The following MRE11 variants were observed in gnomAD, a reference collection of about 807,000 sequenced individuals.
The protein encoded by MRE11 is MRE11 double strand break repair nuclease.
Under a neutral mutation model 91.7 loss-of-function variants are expected in MRE11, and 62 were observed. The ratio of observed to expected loss-of-function variants is 0.68; its 90% CI spans 0.55 to 0.84. The LOEUF (loss-of-function observed/expected upper bound fraction) is 0.84. Ranked by LOEUF, MRE11 falls within the 40% of genes least tolerant of loss-of-function variation. The probability of loss-of-function intolerance (pLI) is 0.00; values close to 1 mark genes in which losing one functional copy is unlikely to be tolerated. For synonymous variants in MRE11, 273 were observed against 271.4 expected (o/e 1.01, Z -0.06); for missense variants, 796 against 852.9 (o/e 0.93, Z 0.83).
intron 7 of MRE11, among the ~76,000 whole-genome samples, chr11:94,475,868 TAA>T (rs1015699573): frequency 6.6e-6 from 1 of 152,082 alleles, no homozygotes; most frequent in African/African-American, 2.4e-5. Flanking sequence ...ATGCTGAACA[TAA>T]GTTGGCTGTA....
rs1194168879 is a variant in MRE11, at chr11:94,443,919, T to C, written c.1867+1891A>G. ...CTAAATCCTAAGTTCCTTCAACCAA[T>C]TTTTTTTTTTTTTTTTTTTTGGAGA... On this transcript the variant is annotated intron_variant, in intron 16 of 19. Coordinates refer to ENST00000323929, the MANE Select transcript of MRE11 (RefSeq NM_005591.4). Among the ~76,000 whole-genome samples, 5 of 57,526 alleles carry C rather than the reference T, an allele frequency of 8.7e-5. No individual in the cohort carries two copies. In the East Asian group the frequency reaches 2.3e-3, roughly 26 times the overall value. 37.7% of individuals were successfully genotyped at this position (57,526 alleles called of 152,430 possible).
At chr11:94,445,218 C>G (rs1565211054) in intron 16 of MRE11, among the ~76,000 whole-genome samples, 1 of 152,214 alleles carries the variant, frequency 6.6e-6, no homozygotes, top group South Asian at 2.1e-4. Context: ...CATATAGTGA[C>G]CAACTACTTC....
At chr11:94,467,592 TAAC>T (rs1473952267) in intron 10 of MRE11, among the ~76,000 whole-genome samples, 3 of 152,184 alleles carry the variant, frequency 2.0e-5, no homozygotes, top group African/African-American at 7.2e-5. Context: ...CTATTAAATA[TAAC>T]AACAAATTAT....
chr11:94,492,962 C>A, intron 1 of MRE11, 56 bp from the exon 2 acceptor site: 1 of 683,208 alleles, frequency 1.5e-6, no homozygotes, highest in Admixed American at 2.6e-5. Context: ...ACGTATTTAA[C>A]CAACATGATT....
chr11:94,451,636 G>A (rs969238185), intron 14 of MRE11, among the ~76,000 whole-genome samples: 3 of 151,962 alleles, frequency 2.0e-5, no homozygotes, highest in African/African-American at 7.3e-5. Context: ...TATATTACCA[G>A]GATGGGTCAA....
At chr11:94,428,884 A>G (rs1945392449) in intron 19 of MRE11, among the ~76,000 whole-genome samples, 1 of 152,102 alleles carries the variant, frequency 6.6e-6, no homozygotes, top group Non-Finnish European at 1.5e-5. Context: ...GAGAAAAGAA[A>G]CTATCAACAG....
chr11:94,432,256 T>C (rs1945480003), intron 18 of MRE11, among the ~76,000 whole-genome samples: 3 of 152,212 alleles, frequency 2.0e-5, no homozygotes. Context: ...TAAACTGATT[T>C]GCATCTGCGC....
chr11:94,458,924 CACAT>C (rs766288364), intron 13 of MRE11, among the ~76,000 whole-genome samples: 9 of 151,972 alleles, frequency 5.9e-5, no homozygotes, highest in South Asian at 2.1e-4. Context: ...TTTTTCTGCC[CACAT>C]ACAAATATTT....
chr11:94,506,651 C>T, the MRE11 span, among the ~76,000 whole-genome samples: 1 of 149,070 alleles, frequency 6.7e-6, no homozygotes, highest in Non-Finnish European at 1.5e-5. Flanking sequence ...TGCAGTGGTG[C>T]GATCATGACT....
intron 4 of MRE11, among the ~76,000 whole-genome samples, chr11:94,485,251 C>CA (rs920796994): frequency 0.012 from 1,492 of 125,366 alleles, 14 homozygotes; most frequent in Middle Eastern, 0.03. Flanking sequence ...AAGACTCCAT[C>CA]AAAAAAAAAA....
At position 94,419,459 on chromosome 11, in the gene MRE11, G is replaced by GGGGA. The variant is rs1253158974; in HGVS notation, c.*665_*666insTCCC. The GGGGA allele has an allele frequency of 1.9e-4, 34 of 183,614 alleles. No homozygotes were observed. The East Asian group carries it at 2.3e-3, about 12-fold the overall frequency. The allele number at this position is 183,614 out of a possible 1,614,324, so 11.4% of individuals were successfully genotyped here. The stretch of plus-strand genomic sequence containing the variant: ...AGAAAGGAAGAGTGGGGAACGGGGG[G>GGGGA]GAGAGGGAGAGAGAGAGAGAGAGAG... On this transcript the variant is annotated 3_prime_UTR_variant, in exon 20 of 20. Transcript: ENST00000323929.
chr11:94,473,793 T>G (rs1372299628), intron 7 of MRE11, among the ~76,000 whole-genome samples: 1 of 152,160 alleles, frequency 6.6e-6, no homozygotes, highest in Non-Finnish European at 1.5e-5. Flanking sequence ...GGGTATGAGT[T>G]AGCAATTTTG....
In MRE11 at chr11:94,463,975, T is replaced by TTATTCCCACTGTCA. The variant is rs368479556; in HGVS notation, c.1225+124_1225+137dup. On this transcript the variant is annotated intron_variant, in intron 11 of 19. Transcript: ENST00000323929. ...ATCTAATTTTTAGAAGACAAGAGAA[T>TTATTCCCACTGTCA]TATTCCCACTGTCAATTTGTTTAAG... 7.1e-4 allele frequency: 658 copies of TTATTCCCACTGTCA among 931,562 alleles called. 4 individuals carry two copies. The African/African-American group carries it at 1.0e-2, about 14-fold the overall frequency. The allele number at this position is 931,562 out of a possible 1,614,324, so 57.7% of individuals were successfully genotyped here.
intron 4 of MRE11, among the ~76,000 whole-genome samples, chr11:94,483,080 T>C (rs1045705967): frequency 6.6e-6 from 1 of 152,116 alleles, no homozygotes; most frequent in African/African-American, 2.4e-5. Context: ...AGCCAAACTA[T>C]CAATCAAGGG....
At chr11:94,440,068 T>A (rs1382478675) in intron 16 of MRE11, among the ~76,000 whole-genome samples, 1 of 152,238 alleles carries the variant, frequency 6.6e-6, no homozygotes, top group African/African-American at 2.4e-5. Context: ...TGGCTGTGAC[T>A]GACCCAATGG....
intron 7 of MRE11, among the ~76,000 whole-genome samples, chr11:94,475,878 G>A (rs905606424): frequency 1.3e-5 from 2 of 152,142 alleles, no homozygotes; most frequent in African/African-American, 2.4e-5. Flanking sequence ...TAAGTTGGCT[G>A]TAAATATAGC....
chr11:94,493,420 C>T (rs1288288083), intron 1 of MRE11, among the ~76,000 whole-genome samples: 2 of 152,160 alleles, frequency 1.3e-5, no homozygotes, highest in Middle Eastern at 3.2e-3. Context: ...CCTTTAAGCA[C>T]CAGCAGGATG....
chr11:94,437,594 C>T (rs1482379727), intron 16 of MRE11, among the ~76,000 whole-genome samples: 1 of 152,134 alleles, frequency 6.6e-6, no homozygotes, highest in Non-Finnish European at 1.5e-5. Flanking sequence ...TTGTTGTTGA[C>T]GATACCTTTA....
chr11:94,484,620 A>G (rs1372021320), intron 4 of MRE11, among the ~76,000 whole-genome samples: 1 of 152,202 alleles, frequency 6.6e-6, no homozygotes, highest in Non-Finnish European at 1.5e-5. Context: ...GACCAGCTTA[A>G]CCAAGTGATC....
Sources: gnomAD v4.1 joint callset for allele counts (sites outside exome capture counted in the v4.1 genomes callset) on GRCh38, gnomAD v4.1.1 for gene constraint, MANE v1.5 for transcripts, NCBI Gene and HGNC (gene_info 2026-07-23, HGNC 2026-07-21) for gene names.